DLGAP2: variants seen among roughly 807,000 people sequenced by gnomAD.
DLGAP2 encodes the protein disks large-associated protein 2.
DLGAP2 carries 26 observed loss-of-function variants against 100.3 expected under a neutral mutation model. The observed-to-expected ratio is 0.26, with a 90% confidence interval of 0.19 to 0.36. The LOEUF (loss-of-function observed/expected upper bound fraction) is 0.36. Ranked by LOEUF, DLGAP2 falls within the 10% of genes least tolerant of loss-of-function variation. The pLI, the probability that DLGAP2 is intolerant of heterozygous loss-of-function variation, is 1.00. For missense variants in DLGAP2, 1,858 were observed against 1,453.2 expected (o/e 1.28, Z -4.53); for synonymous variants, 886 against 630.1 (o/e 1.41, Z -6.08).
chr8:763,246 C>G (rs1821131593), intron 1 of DLGAP2, among the ~76,000 whole-genome samples: 1 of 152,196 alleles, frequency 6.6e-6, no homozygotes, highest in African/African-American at 2.4e-5. Flanking sequence ...ACCCGCACTT[C>G]CCTTCGCGTG....
At chr8:950,050 C>G (rs771422491) in intron 2 of DLGAP2, among the ~76,000 whole-genome samples, 3 of 152,176 alleles carry the variant, frequency 2.0e-5, no homozygotes, top group Non-Finnish European at 4.4e-5. Context: ...CCAGGGGACC[C>G]AGGTCTTTAG....
At chr8:1,516,463 A>G (rs1800390780) in intron 4 of DLGAP2, among the ~76,000 whole-genome samples, 1 of 130,060 alleles carries the variant, frequency 7.7e-6, no homozygotes, top group African/African-American at 2.9e-5. Context: ...GACTGAGTGA[A>G]TGAGTGGGTG....
At chr8:1,491,353 C>CCGCTCCCCCTGACCCCAGAGGCTTCGGGA (rs1799380551) in intron 3 of DLGAP2, among the ~76,000 whole-genome samples, 1 of 152,204 alleles carries the variant, frequency 6.6e-6, no homozygotes, top group Admixed American at 6.5e-5. Flanking sequence ...AGGCTTCGGG[C>CCGCTCCCCCTGACCCCAGAGGCTTCGGGA]CGCTCCCCCT....
chr8:881,969 C>G (rs1239738526), intron 1 of DLGAP2, among the ~76,000 whole-genome samples: 1 of 152,280 alleles, frequency 6.6e-6, no homozygotes, highest in African/African-American at 2.4e-5. Context: ...GCCATGCAAA[C>G]TCATAGCCTC....
At chr8:1,374,847 G>C (rs1028935178) in intron 3 of DLGAP2, among the ~76,000 whole-genome samples, 1 of 152,160 alleles carries the variant, frequency 6.6e-6, no homozygotes, top group Non-Finnish European at 1.5e-5. Context: ...CTGTGCGTGG[G>C]ACTCCGGTGC....
intron 2 of DLGAP2, among the ~76,000 whole-genome samples, chr8:1,185,806 C>T (rs1479847989): frequency 6.6e-6 from 1 of 152,030 alleles, no homozygotes; most frequent in Non-Finnish European, 1.5e-5. Context: ...GGTGGAAGAA[C>T]AATGTAATCT....
chr8:1,170,674 G>T, intron 2 of DLGAP2, among the ~76,000 whole-genome samples: 1 of 144,946 alleles, frequency 6.9e-6, no homozygotes, highest in Non-Finnish European at 1.5e-5. Flanking sequence ...TTTGCGTAGA[G>T]GTGTTTGTAA....
intron 3 of DLGAP2, among the ~76,000 whole-genome samples, chr8:1,312,175 T>C (rs1800628458): frequency 2.6e-5 from 4 of 152,184 alleles, no homozygotes; most frequent in Admixed American, 2.6e-4. Flanking sequence ...GACACAGATC[T>C]CAACCTTTTC....
rs190991850 is a variant in DLGAP2 at position 1,022,092 on chromosome 8, G to A, written c.73+114126G>A. Among the ~76,000 whole-genome samples the A allele has an allele frequency of 5.7e-3, 862 of 152,310 alleles. 8 individuals carry two copies. Among genetic ancestry groups the A allele is most frequent in the Middle Eastern group, 0.031 (9 of 294 alleles). ...GTTGTCACCAGCGAACAGGTGCAGA[G>A]AAGCCCAGACAGCACCCAATGCCCG... On this transcript the variant is annotated intron_variant, in intron 2 of 14. Coordinates refer to ENST00000637795, the MANE Select transcript of DLGAP2 (RefSeq NM_001346810.2).
At chr8:1,174,285 C>A (rs994457211) in intron 2 of DLGAP2, among the ~76,000 whole-genome samples, 5 of 151,640 alleles carry the variant, frequency 3.3e-5, no homozygotes, top group Admixed American at 3.3e-4. Flanking sequence ...ACCATCATCA[C>A]CACCATCATC....
At chr8:919,537 A>G (rs1278895673) in intron 2 of DLGAP2, among the ~76,000 whole-genome samples, 1 of 152,194 alleles carries the variant, frequency 6.6e-6, no homozygotes, top group Non-Finnish European at 1.5e-5. Flanking sequence ...CCATCCACCC[A>G]GTTAACATCA....
intron 3 of DLGAP2, among the ~76,000 whole-genome samples, chr8:1,424,402 C>T (rs547232365): frequency 6.6e-6 from 1 of 152,148 alleles, no homozygotes; most frequent in Non-Finnish European, 1.5e-5. Context: ...CTGATATTGG[C>T]ATATGGGGTG....
At chr8:1,416,302 G>A (rs1266455959) in intron 3 of DLGAP2, among the ~76,000 whole-genome samples, 1 of 152,190 alleles carries the variant, frequency 6.6e-6, no homozygotes, top group Non-Finnish European at 1.5e-5. Flanking sequence ...CGACGGCCAT[G>A]GAAACCAGCT....
intron 3 of DLGAP2, among the ~76,000 whole-genome samples, chr8:1,339,300 A>G (rs1204779930): frequency 6.9e-4 from 81 of 117,294 alleles, no homozygotes; most frequent in Middle Eastern, 6.1e-3. Context: ...TCAGTGAGGC[A>G]TCAGGACCCG....
At chr8:828,316 G>T (rs1268877476) in intron 1 of DLGAP2, among the ~76,000 whole-genome samples, 2 of 152,202 alleles carry the variant, frequency 1.3e-5, no homozygotes, top group South Asian at 2.1e-4. Flanking sequence ...TAAGAGACAG[G>T]TACGCCCCGG....
At chr8:960,237 C>T (rs202121701) in intron 2 of DLGAP2, among the ~76,000 whole-genome samples, 457 of 44,630 alleles carry the variant, frequency 0.01, 15 homozygotes, top group African/African-American at 0.017. Context: ...TGAAGTATAT[C>T]TTTTTTTTTT....
chr8:1,425,635 A>T lies in DLGAP2; in HGVS notation c.107-75731A>T, dbSNP rs1338697595. On this transcript the variant is annotated intron_variant, in intron 3 of 14. Coordinates refer to ENST00000637795, the MANE Select transcript of DLGAP2 (RefSeq NM_001346810.2). ...GCGCATGATCCACATGGTCTTCCAC[A>T]AGCCTAGAGCTGTCATGTAAACCCC... Among the ~76,000 whole-genome samples, 11 of 152,288 alleles carry T rather than the reference A, an allele frequency of 7.2e-5. No homozygotes were observed. In the East Asian group the frequency reaches 2.1e-3, roughly 30 times the overall value.
chr8:1,275,830 A>AT (rs1491455606), intron 3 of DLGAP2, among the ~76,000 whole-genome samples: 109 of 46,320 alleles, frequency 2.4e-3, no homozygotes, highest in African/African-American at 9.0e-3. Flanking sequence ...ATATAAAAAT[A>AT]AATATATAAT....
At chr8:1,190,502 C>A (rs1797609493) in intron 2 of DLGAP2, among the ~76,000 whole-genome samples, 1 of 152,170 alleles carries the variant, frequency 6.6e-6, no homozygotes, top group African/African-American at 2.4e-5. Context: ...GGCAGCATCT[C>A]ATGCAGGAGG....
Sources: allele counts gnomAD v4.1 joint callset (sites outside exome capture counted in the v4.1 genomes callset), GRCh38; gene constraint gnomAD v4.1.1; transcripts MANE v1.5; gene names NCBI Gene and HGNC (gene_info 2026-07-23, HGNC 2026-07-21).